Variants in FBXL5 observed in about 807,000 individuals in gnomAD.
The protein encoded by FBXL5 is F-box/LRR-repeat protein 5.
In FBXL5, 26 loss-of-function variants were observed where a neutral mutation model predicts 78.3. The ratio of observed to expected loss-of-function variants is 0.33; its 90% CI spans 0.24 to 0.46. The LOEUF is 0.46. Among genes scored for constraint, FBXL5 ranks in the 20% least tolerant of loss-of-function variants. The probability of loss-of-function intolerance (pLI) is 1.00; values close to 1 mark genes in which losing one functional copy is unlikely to be tolerated. For missense variants in FBXL5, 710 were observed against 829.2 expected, an observed-to-expected ratio of 0.86 and a Z score of 1.77; for synonymous variants, 295 against 282.5, an observed-to-expected ratio of 1.04 and a Z score of -0.45.
chr4:15,654,189 A>G (rs974461389), intron 1 of FBXL5, among the ~76,000 whole-genome samples: 6 of 152,202 alleles, frequency 3.9e-5, no homozygotes, highest in Non-Finnish European at 8.8e-5. Flanking sequence ...AATGCTATGC[A>G]ATTTCTGAGA....
intron 9 of FBXL5, 32 bp from the exon 10 acceptor site, chr4:15,612,446 T>C: frequency 2.6e-6 from 4 of 1,563,060 alleles, no homozygotes; most frequent in Admixed American, 1.9e-5. Flanking sequence ...AATTAGAAGA[T>C]ACTAATCTAT....
chr4:15,633,175 T>C (rs1281357280), intron 5 of FBXL5, among the ~76,000 whole-genome samples: 1 of 152,222 alleles, frequency 6.6e-6, no homozygotes. Flanking sequence ...TTTCCCAAAG[T>C]AAATCTTTCT....
chr4:15,616,979 G>A (rs1363725378), intron 9 of FBXL5, among the ~76,000 whole-genome samples: 1 of 152,194 alleles, frequency 6.6e-6, no homozygotes, highest in African/African-American at 2.4e-5. Context: ...AACAACAGAT[G>A]CTGGCGAGGT....
chr4:15,612,487 A>G, intron 9 of FBXL5, 73 bp from the exon 10 acceptor site: 1 of 1,366,266 alleles, frequency 7.3e-7, no homozygotes, highest in East Asian at 2.6e-5. Context: ...GGTTCACTGA[A>G]CCACTATTTT....
At chr4:15,638,361 T>C in intron 4 of FBXL5, 147 bp downstream of exon 4, 1 of 490,032 alleles carries the variant, frequency 2.0e-6, no homozygotes, top group South Asian at 4.6e-5. Flanking sequence ...CGTCTTCAAT[T>C]AAATTGATAC....
chr4:15,614,576 G>A (rs1440678933), intron 9 of FBXL5, among the ~76,000 whole-genome samples: 2 of 152,176 alleles, frequency 1.3e-5, no homozygotes, highest in Admixed American at 1.3e-4. Context: ...GGTGGGTAAA[G>A]ACCATTAGGT....
At chr4:15,613,943 G>A (rs1315813906) in intron 9 of FBXL5, among the ~76,000 whole-genome samples, 1 of 152,082 alleles carries the variant, frequency 6.6e-6, no homozygotes, top group Admixed American at 6.5e-5. Context: ...TCCGGCAATT[G>A]AGAGATTTCT....
chr4:15,604,406 T>C lies in FBXL5; in HGVS notation c.*1317A>G, dbSNP rs1344478397. The C allele has an allele frequency of 6.6e-6, 1 of 152,196 alleles. No homozygotes were observed. Among genetic ancestry groups the C allele is most frequent in the Non-Finnish European group, 1.5e-5 (1 of 68,042 alleles). 9.4% of individuals were successfully genotyped at this position (152,196 alleles called of 1,614,324 possible). A position where few individuals can be genotyped will look rare whatever the true frequency, so the allele number is the denominator to read the frequency against. ...TTTATCAATTAAGTTCTCTGTCTTA[T>C]TAGGGCACAGTTCATGGCATTCCAA... On this transcript the variant is annotated 3_prime_UTR_variant, in exon 11 of 11. Transcript: ENST00000341285.
chr4:15,640,728 A>T (rs1373713327), intron 3 of FBXL5, 60 bp downstream of exon 3: 1 of 922,576 alleles, frequency 1.1e-6, no homozygotes, highest in Non-Finnish European at 1.6e-6. Context: ...GAGTCTCTAA[A>T]GCAAAATAGT....
At chr4:15,618,733 T>C (rs913823108) in intron 9 of FBXL5, among the ~76,000 whole-genome samples, 1 of 152,022 alleles carries the variant, frequency 6.6e-6, no homozygotes, top group Non-Finnish European at 1.5e-5. Flanking sequence ...TCCCAGCTAC[T>C]TGGGAGGGTG....
chr4:15,624,482 G>A (rs765197981), intron 9 of FBXL5, among the ~76,000 whole-genome samples: 3 of 151,772 alleles, frequency 2.0e-5, no homozygotes, highest in Non-Finnish European at 4.4e-5. Context: ...GTGCATACTC[G>A]TAACCTAACA....
chr4:15,639,645 A>T (rs1199348603), intron 3 of FBXL5, among the ~76,000 whole-genome samples: 1 of 152,212 alleles, frequency 6.6e-6, no homozygotes, highest in Admixed American at 6.5e-5. Flanking sequence ...TGGATATCAT[A>T]CAGTTAAAAA....
Position 15,644,487 on chromosome 4 carries a change from ACTTAC to A in FBXL5, c.300+1_300+5del, listed in dbSNP as rs1560234008. The A allele has an allele frequency of 6.2e-7, 1 of 1,601,304 alleles. No homozygotes were observed. ...TGACAGTTGAATATCCATTTTTGCA[ACTTAC>A]CTTAACATTCTTCAGTCCCTTTTCA... On this transcript the variant is annotated splice_donor_variant and splice_donor_5th_base_variant and intron_variant, in intron 2 of 10. Transcript: ENST00000341285. LOFTEE classifies it high-confidence loss of function.
intron 10 of FBXL5, among the ~76,000 whole-genome samples, chr4:15,609,361 A>T (rs1722090548): frequency 6.6e-6 from 1 of 152,134 alleles, no homozygotes; most frequent in African/African-American, 2.4e-5. Context: ...TAGGAAGTAT[A>T]AGGTTAGCTA....
chr4:15,638,143 AG>A (rs1714476442), intron 4 of FBXL5, among the ~76,000 whole-genome samples: 1 of 152,212 alleles, frequency 6.6e-6, no homozygotes, highest in Non-Finnish European at 1.5e-5. Flanking sequence ...CTCAGGAAGC[AG>A]GATGATATCG....
chr4:15,645,168 G>A (rs1259989359), intron 1 of FBXL5, among the ~76,000 whole-genome samples: 1 of 151,800 alleles, frequency 6.6e-6, no homozygotes, highest in Non-Finnish European at 1.5e-5. Context: ...TTCCTAAAAT[G>A]GAACATAATC....
At chr4:15,627,127 ATC>A (rs1553850009) in intron 7 of FBXL5, among the ~76,000 whole-genome samples, 172 bp from the exon 8 acceptor site, 14,777 of 130,994 alleles carry the variant, frequency 0.11, 948 homozygotes, top group African/African-American at 0.19. Context: ...ATCCCTGAGA[ATC>A]TCTTTTTTTT....
Position 15,640,864 on chromosome 4 carries a change from T to C in FBXL5, c.320A>G (p.Asn107Ser), listed in dbSNP as rs1177350877. 1.3e-6 allele frequency: 2 copies of C among 1,537,340 alleles called. No homozygotes were observed. The highest frequency in any genetic ancestry group is 1.8e-6 in the Non-Finnish European group (2 of 1,142,670). The change falls in exon 3 of 11, where the codon AAT becomes AGT. Residue 107 changes from asparagine (N) to serine (S), a missense_variant. Coordinates refer to ENST00000341285, the MANE Select transcript of FBXL5 (RefSeq NM_012161.4). ...KNVKNEYEQLNYAKQLKERLE... is the reference protein window; with the variant it reads ...KNVKNEYEQLSYAKQLKERLE... ...TCTCTCTTTCAGTTGTTTTGCATAA[T>C]TTAACTGTTCATATTCATTCTGGAA... is the stretch of plus-strand genomic sequence containing the variant.
chr4:15,644,213 C>T (rs567485283), intron 2 of FBXL5, among the ~76,000 whole-genome samples: 6 of 152,280 alleles, frequency 3.9e-5, no homozygotes, highest in African/African-American at 1.4e-4. Flanking sequence ...CTTGATGTTT[C>T]CTCAGTAGTT....
Sources: allele counts gnomAD v4.1 joint callset (sites outside exome capture counted in the v4.1 genomes callset), GRCh38; gene constraint gnomAD v4.1.1; transcripts MANE v1.5; gene names NCBI Gene and HGNC (gene_info 2026-07-23, HGNC 2026-07-21).